Variants in SDK1 observed in about 807,000 individuals in gnomAD.
The protein encoded by SDK1 is protein sidekick-1.
In SDK1, 157 loss-of-function variants were observed where a neutral mutation model predicts 245.5. The observed-to-expected ratio is 0.64, with a 90% CI of 0.56 to 0.73. The LOEUF is 0.73. SDK1 is among the 30% of genes least tolerant of loss of function. The probability of loss-of-function intolerance (pLI) is 0.00; values close to 1 mark genes in which losing one functional copy is unlikely to be tolerated. For synonymous variants in SDK1, 1,647 were observed against 1,278.5 expected, an observed-to-expected ratio of 1.29 and a Z score of -6.15; for missense variants, 3,583 against 3,002.3, an observed-to-expected ratio of 1.19 and a Z score of -4.52.
At chr7:4,209,100 A>G (rs934420841) in intron 37 of SDK1, among the ~76,000 whole-genome samples, 8 of 152,182 alleles carry the variant, frequency 5.3e-5, no homozygotes, top group Non-Finnish European at 1.5e-5. Context: ...CCTTGGCATC[A>G]AACTCTCATG....
chr7:3,958,635 C>A (rs1013547968), intron 7 of SDK1, among the ~76,000 whole-genome samples: 1 of 152,160 alleles, frequency 6.6e-6, no homozygotes, highest in African/African-American at 2.4e-5. Flanking sequence ...TAAATATAAA[C>A]CTTTACGAAC....
At chr7:3,468,536 C>G (rs963866020) in intron 1 of SDK1, among the ~76,000 whole-genome samples, 8 of 152,190 alleles carry the variant, frequency 5.3e-5, no homozygotes, top group Non-Finnish European at 5.9e-5. Context: ...CTCTGCCTCT[C>G]TGTGTAAAAA....
intron 1 of SDK1, among the ~76,000 whole-genome samples, chr7:3,555,469 A>T (rs1002052298): frequency 6.6e-6 from 1 of 152,194 alleles, no homozygotes; most frequent in Non-Finnish European, 1.5e-5. Flanking sequence ...TTATGAAACT[A>T]GTAAAAGAAA....
intron 5 of SDK1, among the ~76,000 whole-genome samples, chr7:3,906,866 G>A (rs1778962595): frequency 6.6e-6 from 1 of 152,030 alleles, no homozygotes. Context: ...CTGAGCTCAG[G>A]CAATCCGCCC....
rs568021327 is a variant in SDK1, at chr7:3,342,348, G to A, written c.298+40464G>A. Among the ~76,000 whole-genome samples, 78 of 152,290 alleles carry A rather than the reference G, an allele frequency of 5.1e-4. 2 individuals carry two copies. The South Asian group carries it at 0.016, about 31-fold the overall frequency. ...TCATGCCTGTAATCCCAGAACTTTG[G>A]GAGGCCGAAGTGGGTGGATCACCTG... On this transcript the variant is annotated intron_variant, in intron 1 of 44. Coordinates refer to ENST00000404826, the MANE Select transcript of SDK1 (RefSeq NM_152744.4).
rs763350023 is a variant in SDK1 at position 4,210,080 on chromosome 7, C to T, written c.5457C>T (p.Asn1819=). ...CAGAAATAACCTCCACCACGCTCAA[C>T]GTGTCCTGGGGCGAGCCTGCGGCGG... ...AFSEITSTTL[N]VSWGEPAAAN... is the part of the protein sequence containing the mutation. The change falls in exon 38 of 45, where the codon AAC becomes AAT. Residue 1819 remains asparagine (N), a synonymous_variant. Transcript: ENST00000404826. 12 of 1,609,866 alleles carry T rather than the reference C, an allele frequency of 7.5e-6. No homozygotes were observed. The highest frequency in any genetic ancestry group is 6.7e-5 in the African/African-American group (5 of 74,760).
At chr7:3,914,592 T>G in intron 5 of SDK1, among the ~76,000 whole-genome samples, 1 of 152,182 alleles carries the variant, frequency 6.6e-6, no homozygotes, top group East Asian at 1.9e-4. Flanking sequence ...GCTAGGGAAG[T>G]TCAAAGGCTT....
rs578004232 is a variant in SDK1 at position 4,206,175 on chromosome 7, G to A, written c.5214+181G>A. Among the ~76,000 whole-genome samples, 345 of 152,362 alleles carry A rather than the reference G, an allele frequency of 2.3e-3. 2 individuals carry two copies. Among genetic ancestry groups the A allele is most frequent in the Non-Finnish European group, 3.7e-3 (253 of 68,032 alleles). On this transcript the variant is annotated intron_variant, in intron 36 of 44. Transcript: ENST00000404826. ...ACTGTGGTCACAGCTGCTTGTGGGT[G>A]GGAGGCAGCACAGGGGCCAGGCTCA...
intron 4 of SDK1, 146 bp from the exon 5 acceptor site, chr7:3,821,304 A>T: frequency 4.7e-6 from 4 of 855,746 alleles, no homozygotes; most frequent in Non-Finnish European, 1.7e-6. Flanking sequence ...TCGTATTCTT[A>T]AAGTCGGCCT....
At chr7:4,157,020 C>T (rs775443112) in intron 30 of SDK1, among the ~76,000 whole-genome samples, 4 of 152,136 alleles carry the variant, frequency 2.6e-5, no homozygotes, top group African/African-American at 4.8e-5. Flanking sequence ...AGCCGCTGCC[C>T]GCCAGGGAGG....
intron 4 of SDK1, among the ~76,000 whole-genome samples, chr7:3,658,784 T>C (rs1783267800): frequency 6.6e-6 from 1 of 151,938 alleles, no homozygotes; most frequent in Non-Finnish European, 1.5e-5. Context: ...CTGACTAATG[T>C]TTTTTGTATT....
intron 1 of SDK1, among the ~76,000 whole-genome samples, chr7:3,555,920 A>G (rs1231026635): frequency 6.6e-6 from 1 of 152,188 alleles, no homozygotes; most frequent in East Asian, 1.9e-4. Flanking sequence ...GCAGTAACAA[A>G]TGCTGGCAAG....
chr7:3,967,786 G>C (rs937457218), intron 10 of SDK1, among the ~76,000 whole-genome samples: 1 of 152,186 alleles, frequency 6.6e-6, no homozygotes, highest in African/African-American at 2.4e-5. Context: ...CTGACAGGAG[G>C]GGGAGCTCAG....
intron 1 of SDK1, among the ~76,000 whole-genome samples, chr7:3,344,018 C>CAA (rs397939224): frequency 0.01 from 1,264 of 122,476 alleles, 16 homozygotes; most frequent in African/African-American, 0.029. Flanking sequence ...CACATACAAC[C>CAA]AAAAAAAAAA....
At chr7:3,814,667 G>C (rs2115051816) in intron 4 of SDK1, among the ~76,000 whole-genome samples, 1 of 152,138 alleles carries the variant, frequency 6.6e-6, no homozygotes, top group East Asian at 1.9e-4. Flanking sequence ...TTGGTAGCTT[G>C]ATTGGGATGG....
chr7:4,097,514 G>T (rs1435817440), intron 22 of SDK1, among the ~76,000 whole-genome samples: 1 of 152,214 alleles, frequency 6.6e-6, no homozygotes, highest in Non-Finnish European at 1.5e-5. Flanking sequence ...GACAGACATA[G>T]CCCCAGACAG....
intron 1 of SDK1, among the ~76,000 whole-genome samples, chr7:3,541,824 C>A (rs1779060809): frequency 6.6e-6 from 1 of 152,096 alleles, no homozygotes; most frequent in Non-Finnish European, 1.5e-5. Flanking sequence ...TGTTGAAGAA[C>A]CATTAAGCTT....
intron 4 of SDK1, among the ~76,000 whole-genome samples, chr7:3,756,791 G>T (rs1779945813): frequency 6.6e-6 from 1 of 152,032 alleles, no homozygotes; most frequent in African/African-American, 2.4e-5. Context: ...TGTATCTGTT[G>T]TTTCCTCATG....
chr7:3,914,241 T>C (rs1244685839), intron 5 of SDK1, among the ~76,000 whole-genome samples: 2 of 152,266 alleles, frequency 1.3e-5, no homozygotes, highest in African/African-American at 2.4e-5. Flanking sequence ...ATTACCGTAC[T>C]TGCCTATTTT....
Sources: gnomAD v4.1 joint callset for allele counts (sites outside exome capture counted in the v4.1 genomes callset) on GRCh38, gnomAD v4.1.1 for gene constraint, MANE v1.5 for transcripts, NCBI Gene and HGNC (gene_info 2026-07-23, HGNC 2026-07-21) for gene names.